The following NCOR1 variants were observed in gnomAD, a reference collection of about 807,000 sequenced individuals.
The protein encoded by NCOR1 is nuclear receptor corepressor 1.
In NCOR1, 63 loss-of-function variants were observed where a neutral mutation model predicts 288.1. The ratio of observed to expected loss-of-function variants is 0.22; its 90% CI spans 0.18 to 0.27. The LOEUF is 0.27. Among genes scored for constraint, NCOR1 ranks in the 10% least tolerant of loss-of-function variants. NCOR1 has a pLI of 1.00. For synonymous variants in NCOR1, 1,007 were observed against 1,065.9 expected (o/e 0.94, Z 1.08); for missense variants, 2,397 against 3,019.2 (o/e 0.79, Z 4.83).
intron 21 of NCOR1, among the ~76,000 whole-genome samples, chr17:16,096,132 A>G (rs924991659): frequency 5.3e-5 from 8 of 152,004 alleles, no homozygotes; most frequent in Admixed American, 1.3e-4. Context: ...AAGGCAGCAT[A>G]CTCGTTGAGA....
rs2080654706 is a variant in NCOR1, at chr17:16,160,670, T to A, written c.619-1797A>T. Reference sequence around the variant, plus strand: ...AGCTCGGTGTAGTGGCGCAAGCCTGTAACCCCAGCTACTCAGGAGGCCGAG... The same window carrying A: ...AGCTCGGTGTAGTGGCGCAAGCCTGAAACCCCAGCTACTCAGGAGGCCGAG... On this transcript the variant is annotated intron_variant, in intron 5 of 45. Coordinates refer to ENST00000268712, the MANE Select transcript of NCOR1 (RefSeq NM_006311.4). Among the ~76,000 whole-genome samples the A allele has an allele frequency of 4.6e-5, 7 of 152,310 alleles. No individual in the cohort carries two copies. In the South Asian group the frequency reaches 1.4e-3, roughly 32 times the overall value.
intron 19 of NCOR1, among the ~76,000 whole-genome samples, chr17:16,104,764 AC>A (rs970521474): frequency 6.6e-6 from 1 of 152,212 alleles, no homozygotes; most frequent in African/African-American, 2.4e-5. Flanking sequence ...ACAGAGTGAG[AC>A]CCTGTCTCAA....
chr17:16,064,125 T>TCTCCCG lies in NCOR1; in HGVS notation c.5158_5163dup (p.Arg1720_Glu1721dup). 6.2e-7 allele frequency: 1 copy of TCTCCCG among 1,613,674 alleles called. No homozygotes were observed. Among genetic ancestry groups the TCTCCCG allele is most frequent in the Non-Finnish European group, 8.5e-7 (1 of 1,179,668 alleles). ...GCAATCCGTTCCCGCTCCCGCTCCT[T>TCTCCCG]CTCCCGCTCCCGTTCCCGTTCCCTC... On this transcript the variant is annotated inframe_insertion, in exon 35 of 46. Coordinates refer to ENST00000268712, the MANE Select transcript of NCOR1 (RefSeq NM_006311.4).
At chr17:16,140,322 T>C (rs1266176389) in intron 11 of NCOR1, among the ~76,000 whole-genome samples, 1 of 152,202 alleles carries the variant, frequency 6.6e-6, no homozygotes, top group Non-Finnish European at 1.5e-5. Context: ...AAAAGCAATA[T>C]AGAGTAAGTG....
chr17:16,149,409 G>C (rs767832905), intron 9 of NCOR1, 42 bp downstream of exon 9: 1 of 1,200,516 alleles, frequency 8.3e-7, no homozygotes, highest in South Asian at 1.5e-5. Flanking sequence ...AGCATGAATG[G>C]GAAAGCTGTA....
rs555077104 is a variant in NCOR1, at chr17:16,121,683, T to C, written c.1635-414A>G. The stretch of plus-strand genomic sequence containing the variant: ...CATGTATGAAATGAAGAAGCTAAAA[T>C]AGATGATCTTCATGATAGATGCCTT... On this transcript the variant is annotated intron_variant, in intron 15 of 45. Coordinates refer to ENST00000268712, the MANE Select transcript of NCOR1 (RefSeq NM_006311.4). Among the ~76,000 whole-genome samples, 73 of 152,332 alleles carry C rather than the reference T, an allele frequency of 4.8e-4. 1 individual carries two copies. Among genetic ancestry groups the C allele is most frequent in the African/African-American group, 1.7e-3 (69 of 41,574 alleles).
At chr17:16,084,943 G>A (rs865787580) in intron 23 of NCOR1, among the ~76,000 whole-genome samples, 2 of 152,138 alleles carry the variant, frequency 1.3e-5, no homozygotes, top group African/African-American at 4.8e-5. Flanking sequence ...AGAAAAAAGT[G>A]TGTATATATA....
intron 14 of NCOR1, among the ~76,000 whole-genome samples, chr17:16,128,032 A>G (rs996121823): frequency 9.2e-5 from 14 of 151,928 alleles, no homozygotes; most frequent in African/African-American, 3.4e-4. Flanking sequence ...CTCCCACCTC[A>G]GTCTCCCGAA....
At chr17:16,196,738 T>C (rs1600390393) in intron 1 of NCOR1, among the ~76,000 whole-genome samples, 1 of 138,754 alleles carries the variant, frequency 7.2e-6, no homozygotes, top group East Asian at 2.1e-4. Context: ...GGCAGGAGAA[T>C]GGCGTGAACC....
chr17:16,070,536 A>T lies in NCOR1; in HGVS notation c.4153-11T>A. On this transcript the variant is annotated splice_polypyrimidine_tract_variant and intron_variant, in intron 30 of 45. Coordinates refer to ENST00000268712, the MANE Select transcript of NCOR1 (RefSeq NM_006311.4). ...CTTTATTGGTGTGCCCTAAAGGGAA[A>T]GAAACAAACATTACAGGTAGCAAAG... 1.2e-6 allele frequency: 2 copies of T among 1,608,380 alleles called. No individual in the cohort carries two copies. The highest frequency in any genetic ancestry group is 4.5e-5 in the East Asian group (2 of 44,828).
At chr17:16,208,676 C>A (rs1460812275) in intron 1 of NCOR1, among the ~76,000 whole-genome samples, 2 of 151,656 alleles carry the variant, frequency 1.3e-5, no homozygotes, top group African/African-American at 4.8e-5. Flanking sequence ...CATAATGAGA[C>A]CCTGTTTCTA....
chr17:16,157,867 G>A (rs531464241), intron 6 of NCOR1, among the ~76,000 whole-genome samples: 57 of 150,902 alleles, frequency 3.8e-4, no homozygotes, highest in South Asian at 1.5e-3. Flanking sequence ...ATGATTCATA[G>A]AATTCATGCC....
chr17:16,192,868 GA>G (rs2088809538), intron 2 of NCOR1, among the ~76,000 whole-genome samples: 3 of 152,088 alleles, frequency 2.0e-5, no homozygotes, highest in Admixed American at 6.6e-5. Context: ...CAATAAAAAG[GA>G]ATGAACTAAG....
intron 15 of NCOR1, among the ~76,000 whole-genome samples, chr17:16,125,704 A>C (rs2073911329): frequency 6.7e-6 from 1 of 149,512 alleles, no homozygotes; most frequent in Non-Finnish European, 1.5e-5. Context: ...GCCATCACAA[A>C]AAAAAAAAAA....
intron 35 of NCOR1, among the ~76,000 whole-genome samples, chr17:16,062,840 T>C (rs1218139183): frequency 6.6e-6 from 1 of 152,240 alleles, no homozygotes; most frequent in African/African-American, 2.4e-5. Context: ...CACAAAACAC[T>C]TGGCTCCCAC....
At chr17:16,043,382 AC>A (rs2152097525) in intron 42 of NCOR1, among the ~76,000 whole-genome samples, 1 of 152,144 alleles carries the variant, frequency 6.6e-6, no homozygotes, top group East Asian at 1.9e-4. Flanking sequence ...TCTCCTTTCC[AC>A]CATGAAAAAT....
chr17:16,060,221 A>G (rs988379869), intron 37 of NCOR1, among the ~76,000 whole-genome samples: 2 of 152,234 alleles, frequency 1.3e-5, no homozygotes, highest in Non-Finnish European at 2.9e-5. Context: ...GATAAAAAAG[A>G]TAACCACACA....
In NCOR1 at chr17:16,068,134, AGCCAAT is replaced by A; in HGVS notation, c.4514-19_4514-14del. 1 of 1,572,616 alleles carries A rather than the reference AGCCAAT, an allele frequency of 6.4e-7. No homozygotes were observed. Among genetic ancestry groups the A allele is most frequent in the South Asian group, 1.1e-5 (1 of 88,078 alleles). On this transcript the variant is annotated splice_polypyrimidine_tract_variant and intron_variant, in intron 31 of 45. Coordinates refer to ENST00000268712, the MANE Select transcript of NCOR1 (RefSeq NM_006311.4). ...GAAGAAATTGTAACTGGAAAAAAAG[AGCCAAT>A]GCCACAAGTTCTTAAGAAACTTGCA...
Position 16,127,261 on chromosome 17 carries a change from G to A in NCOR1, c.1510-1055C>T, listed in dbSNP as rs991793971. On this transcript the variant is annotated intron_variant, in intron 14 of 45. Transcript: ENST00000268712. ...CATATATGTATGTATATATGTGTGTGTATATATGTATGTATATATACGTGT... is the reference window on the plus strand; with the variant it reads ...CATATATGTATGTATATATGTGTGTATATATATGTATGTATATATACGTGT... 2.3e-4 allele frequency among the ~76,000 whole-genome samples: 25 copies of A among 108,722 alleles called. 1 individual carries two copies. The highest frequency in any genetic ancestry group is 5.2e-4 in the South Asian group (2 of 3,820). The allele number at this position is 108,722 out of a possible 152,430, so 71.3% of individuals were successfully genotyped here.
Sources: gnomAD v4.1 joint callset for allele counts (sites outside exome capture counted in the v4.1 genomes callset) on GRCh38, gnomAD v4.1.1 for gene constraint, MANE v1.5 for transcripts, NCBI Gene and HGNC (gene_info 2026-07-23, HGNC 2026-07-21) for gene names.